Variants in CDKL1 observed in about 807,000 individuals in gnomAD.
CDKL1 encodes the protein cyclin-dependent kinase-like 1.
CDKL1 carries 41 observed loss-of-function variants against 42.0 expected under a neutral mutation model. The observed-to-expected ratio is 0.98, with a 90% confidence interval of 0.76 to 1.27. The LOEUF (loss-of-function observed/expected upper bound fraction) is 1.27. Ranked by LOEUF, CDKL1 falls within the 50% of genes most tolerant of loss-of-function variation. The pLI, the probability that CDKL1 is intolerant of heterozygous loss-of-function variation, is 0.00. For synonymous variants in CDKL1, 153 were observed against 158.6 expected, an observed-to-expected ratio of 0.96 and a Z score of 0.26; for missense variants, 394 against 428.4, an observed-to-expected ratio of 0.92 and a Z score of 0.71.
At chr14:50,332,494 AT>A in intron 8 of CDKL1, 62 bp from the exon 9 acceptor site, 1 of 1,543,430 alleles carries the variant, frequency 6.5e-7, no homozygotes, top group Non-Finnish European at 8.7e-7. Context: ...TATTAATGTC[AT>A]TTTTTTCTTC....
intron 3 of CDKL1, among the ~76,000 whole-genome samples, chr14:50,355,603 A>T (rs535699311): frequency 1.3e-5 from 2 of 152,344 alleles, no homozygotes; most frequent in Middle Eastern, 6.8e-3. Context: ...CAAGTGCCAA[A>T]TATGCAGCTA....
Position 50,341,013 on chromosome 14 carries a change from G to A in CDKL1, c.655+19C>T. 1 of 1,608,220 alleles carries A rather than the reference G, an allele frequency of 6.2e-7. No homozygotes were observed. The highest frequency in any genetic ancestry group is 1.1e-5 in the South Asian group (1 of 91,028). ...GAAATATCCAGTTTTCCAAAAGGTG[G>A]GACAAAAACACCACTTACCCAAGGT... On this transcript the variant is annotated intron_variant, in intron 6 of 9. Transcript: ENST00000395834.
At chr14:50,381,218 C>A (rs2034897698) in intron 2 of CDKL1, among the ~76,000 whole-genome samples, 1 of 152,202 alleles carries the variant, frequency 6.6e-6, no homozygotes, top group South Asian at 2.1e-4. Flanking sequence ...CAGTTGTGTA[C>A]ATGTGTCCAG....
chr14:50,340,153 G>A (rs997649639), intron 6 of CDKL1, among the ~76,000 whole-genome samples: 2 of 152,162 alleles, frequency 1.3e-5, no homozygotes, highest in Non-Finnish European at 2.9e-5. Context: ...GCCAAGAAAG[G>A]CTGAGTGCCC....
At chr14:50,335,995 A>T (rs1473558656) in intron 7 of CDKL1, 1 of 1,366,822 alleles carries the variant, frequency 7.3e-7, no homozygotes, top group Non-Finnish European at 9.8e-7. Flanking sequence ...ACTTCCACTC[A>T]TGCTCCATAG....
intron 2 of CDKL1, among the ~76,000 whole-genome samples, chr14:50,383,567 AAACAACAAC>A (rs201144052): frequency 1.7e-4 from 10 of 58,496 alleles, no homozygotes; most frequent in South Asian, 1.1e-3. Flanking sequence ...AAAAAAAAAC[AAACAACAAC>A]AACAACAACA....
intron 2 of CDKL1, chr14:50,377,781 A>T (rs1369950851): frequency 5.3e-6 from 6 of 1,129,338 alleles, no homozygotes; most frequent in Non-Finnish European, 6.9e-6. Context: ...GGAAGTATTG[A>T]ATAAGCTGGC....
chr14:50,363,012 T>C (rs1436362844), intron 2 of CDKL1: 1 of 456,094 alleles, frequency 2.2e-6, no homozygotes, highest in Non-Finnish European at 4.6e-6. Flanking sequence ...AGCTTCACTC[T>C]TGAAGCCAGG....
intron 3 of CDKL1, chr14:50,357,886 A>T: frequency 2.4e-6 from 1 of 416,106 alleles, no homozygotes; most frequent in Non-Finnish European, 4.6e-6. Flanking sequence ...CCACCATATA[A>T]GGGAAGCTTA....
rs1198211109 is a variant in CDKL1 at position 50,332,262 on chromosome 14, C to T, written c.966G>A (p.Lys322=). 1 of 1,613,946 alleles carries T rather than the reference C, an allele frequency of 6.2e-7. No individual in the cohort carries two copies. The highest frequency in any genetic ancestry group is 8.5e-7 in the Non-Finnish European group (1 of 1,179,992). Residue 322 remains lysine, a splice_region_variant and synonymous_variant, in exon 9 of 10, where the codon AAG becomes AAA. Transcript: ENST00000395834. ...RKHHCFTETS[K]LQYLPQLTGS... ...GTAGGAGATCATTTCAAATTATAAC[C>T]TTGGATGTTTCTGTAAAGCAGTGGT... is the stretch of plus-strand genomic sequence containing the variant.
intron 4 of CDKL1, among the ~76,000 whole-genome samples, chr14:50,343,371 G>C (rs1338702729): frequency 2.0e-5 from 3 of 152,034 alleles, no homozygotes; most frequent in Non-Finnish European, 4.4e-5. Context: ...TCACTCCAAA[G>C]GACCTTCAGG....
chr14:50,378,405 T>C (rs1566604593), intron 2 of CDKL1: 1 of 1,366,570 alleles, frequency 7.3e-7, no homozygotes, highest in Non-Finnish European at 9.8e-7. Context: ...TTGAAGGGGC[T>C]GGGCCGTGAT....
intron 2 of CDKL1, among the ~76,000 whole-genome samples, chr14:50,381,421 C>T (rs1384551648): frequency 6.6e-6 from 1 of 152,206 alleles, no homozygotes; most frequent in Non-Finnish European, 1.5e-5. Flanking sequence ...AGCTCCTTTT[C>T]CCAACTCATC....
intron 2 of CDKL1, among the ~76,000 whole-genome samples, chr14:50,389,391 C>T (rs757352609): frequency 5.5e-4 from 83 of 152,194 alleles, no homozygotes; most frequent in Non-Finnish European, 1.1e-3. Flanking sequence ...TTTCTAATCA[C>T]TTACCAATGA....
intron 2 of CDKL1, among the ~76,000 whole-genome samples, chr14:50,386,458 A>C (rs2035084663): frequency 6.6e-6 from 1 of 152,082 alleles, no homozygotes; most frequent in African/African-American, 2.4e-5. Flanking sequence ...AAAAGACAGA[A>C]AGGAAATGCA....
At chr14:50,389,048 G>A (rs1444058263) in intron 2 of CDKL1, among the ~76,000 whole-genome samples, 2 of 145,104 alleles carry the variant, frequency 1.4e-5, no homozygotes, top group East Asian at 2.0e-4. Context: ...GCAGTGAGCC[G>A]AGATTGCGCT....
At chr14:50,339,433 T>C (rs754069539) in intron 6 of CDKL1, among the ~76,000 whole-genome samples, 11 of 150,278 alleles carry the variant, frequency 7.3e-5, no homozygotes, top group Non-Finnish European at 1.6e-4. Context: ...TAGGTGAAGA[T>C]AAAATTTTAT....
At chr14:50,374,241 A>C (rs1213711481) in intron 2 of CDKL1, among the ~76,000 whole-genome samples, 1 of 152,230 alleles carries the variant, frequency 6.6e-6, no homozygotes, top group Non-Finnish European at 1.5e-5. Context: ...CAGTAAAAAC[A>C]ATAACAGGTG....
chr14:50,340,152 G>C (rs2033459356), intron 6 of CDKL1, among the ~76,000 whole-genome samples: 1 of 152,182 alleles, frequency 6.6e-6, no homozygotes, highest in South Asian at 2.1e-4. Context: ...AGCCAAGAAA[G>C]GCTGAGTGCC....
Sources: gnomAD v4.1 joint callset for allele counts (sites outside exome capture counted in the v4.1 genomes callset) on GRCh38, gnomAD v4.1.1 for gene constraint, MANE v1.5 for transcripts, NCBI Gene and HGNC (gene_info 2026-07-23, HGNC 2026-07-21) for gene names.